TMEM176A: variants seen among roughly 807,000 people sequenced by gnomAD.
TMEM176A encodes the protein transmembrane protein 176A, also known as hepatocellular carcinoma-associated antigen 112.
Under a neutral mutation model 27.9 loss-of-function variants are expected in TMEM176A, and 20 were observed. The ratio of observed to expected loss-of-function variants is 0.72; its 90% CI spans 0.50 to 1.04. The LOEUF (loss-of-function observed/expected upper bound fraction) is 1.04. Among genes scored for constraint, TMEM176A ranks in the 50% least tolerant of loss-of-function variants. TMEM176A has a pLI of 0.00. For missense variants in TMEM176A, 252 were observed against 289.1 expected, an observed-to-expected ratio of 0.87 and a Z score of 0.93; for synonymous variants, 125 against 118.0, an observed-to-expected ratio of 1.06 and a Z score of -0.38.
chr7:150,801,735 C>A lies in TMEM176A; in HGVS notation c.174+11C>A. 1.3e-6 allele frequency: 2 copies of A among 1,498,872 alleles called. No homozygotes were observed. The highest frequency in any genetic ancestry group is 1.8e-6 in the Non-Finnish European group (2 of 1,133,818). The allele number at this position is 1,498,872 out of a possible 1,614,324, so 92.8% of individuals were successfully genotyped here. On this transcript the variant is annotated intron_variant, in intron 2 of 6. Coordinates refer to ENST00000004103, the MANE Select transcript of TMEM176A (RefSeq NM_018487.3). ...CTGGTGGCCTCGTGGGTGAGTGTGA[C>A]GGCCTGCCTCGTCGGGCGGCGGGAG...
At position 150,801,419 on chromosome 7, in the gene TMEM176A, G is replaced by GTA. The variant is rs1798781270; in HGVS notation, c.-15-117_-15-116insTA. On this transcript the variant is annotated intron_variant, in intron 1 of 6. Coordinates refer to ENST00000004103, the MANE Select transcript of TMEM176A (RefSeq NM_018487.3). ...GGCCAGGGGTGCGGCCCTGTGACCA[G>GTA]GACAGCCATTCATTGGGTGACTTTG... 5.8e-6 allele frequency: 6 copies of GTA among 1,032,464 alleles called. No homozygotes were observed. The East Asian group carries it at 1.5e-4, about 26-fold the overall frequency. The allele number at this position is 1,032,464 out of a possible 1,614,324, so 64.0% of individuals were successfully genotyped here. A position where few individuals can be genotyped will look rare whatever the true frequency, so the allele number is the denominator to read the frequency against.
At chr7:150,801,288 G>T (rs1414899013) in intron 1 of TMEM176A, 4 of 429,392 alleles carry the variant, frequency 9.3e-6, no homozygotes, top group Non-Finnish European at 1.2e-5. Context: ...GGATGAGGGG[G>T]ACAGAGCAGA....
chr7:150,804,504 G>A (rs759150327), intron 6 of TMEM176A, 32 bp downstream of exon 6: 1 of 1,576,562 alleles, frequency 6.3e-7, no homozygotes, highest in Admixed American at 1.7e-5. Context: ...CTGTGTATTT[G>A]GGGCAGTGGA....
chr7:150,801,097 T>A, intron 1 of TMEM176A: 1 of 609,698 alleles, frequency 1.6e-6, no homozygotes, highest in Non-Finnish European at 2.1e-6. Context: ...GGGATGGGGG[T>A]ATCCGGAGCG....
chr7:150,802,076 T>TTTCTCTTCTCTTCTCTTCTCTTCTC lies in TMEM176A; in HGVS notation c.175-134_175-110dup, dbSNP rs28364765. On this transcript the variant is annotated intron_variant, in intron 2 of 6. Transcript: ENST00000004103. ...TCCTTCTCCTCCTCTTTCTTCTCCT[T>TTTCTCTTCTCTTCTCTTCTCTTCTC]TTCTCTTCTCTTCTCTTCTCTTCTC... 534 of 579,114 alleles carry TTTCTCTTCTCTTCTCTTCTCTTCTC rather than the reference T, an allele frequency of 9.2e-4. 6 individuals carry two copies. The highest frequency in any genetic ancestry group is 5.4e-3 in the African/African-American group (277 of 51,752). The allele number at this position is 579,114 out of a possible 1,614,324, so 35.9% of individuals were successfully genotyped here.
rs773306350 is a variant in TMEM176A at position 150,803,499 on chromosome 7, G to A, written c.342+43G>A. 2.5e-6 allele frequency: 4 copies of A among 1,574,664 alleles called. No individual in the cohort carries two copies. In the East Asian group the frequency reaches 9.0e-5, roughly 35 times the overall value. On this transcript the variant is annotated intron_variant, in intron 4 of 6. Coordinates refer to ENST00000004103, the MANE Select transcript of TMEM176A (RefSeq NM_018487.3). ...CATGGGAGGGGACCAGGTTCAGGCT[G>A]GAGGTCACCCCAATCTCCTGCCCTG...
rs971143200 is a variant in TMEM176A at position 150,803,946 on chromosome 7, C to T, written c.555+114C>T. ...TAGGTGTTACCTATTCTGCACCAAG[C>T]TTGCGTATTGTCACCAAAGACAAAG... On this transcript the variant is annotated intron_variant, in intron 5 of 6. Coordinates refer to ENST00000004103, the MANE Select transcript of TMEM176A (RefSeq NM_018487.3). The T allele has an allele frequency of 8.4e-5, 82 of 973,988 alleles. 1 individual carries two copies. Among genetic ancestry groups the T allele is most frequent in the Non-Finnish European group, 1.2e-4 (80 of 659,260 alleles). The allele number at this position is 973,988 out of a possible 1,614,324, so 60.3% of individuals were successfully genotyped here.
Position 150,802,262 on chromosome 7 carries a change from T to C in TMEM176A, c.222T>C (p.Phe74=). ...LGILSAVLGG[F]FYIRDYTLLV... ...TCTTGAGTGCAGTCCTAGGAGGATT[T>C]TTCTACATCCGCGACTACACCCTCC... The change falls in exon 3 of 7, where the codon TTT becomes TTC. Residue 74 remains phenylalanine (F), a synonymous_variant. Transcript: ENST00000004103. The C allele has an allele frequency of 6.2e-7, 1 of 1,613,538 alleles. No homozygotes were observed. The highest frequency in any genetic ancestry group is 1.1e-5 in the South Asian group (1 of 91,040).
rs981151304 is a variant in TMEM176A, at chr7:150,802,546, C to T, written c.285+221C>T. 1.2e-5 allele frequency: 8 copies of T among 674,592 alleles called. No individual in the cohort carries two copies. In the Admixed American group the frequency reaches 1.4e-4, roughly 11 times the overall value. 41.8% of individuals were successfully genotyped at this position (674,592 alleles called of 1,614,324 possible). ...CCCATACCCTTCCCAGTGCTGTTCC[C>T]ACCAGGCTGGCTGCCTCTCCCTGCC... On this transcript the variant is annotated intron_variant, in intron 3 of 6. Coordinates refer to ENST00000004103, the MANE Select transcript of TMEM176A (RefSeq NM_018487.3).
At position 150,803,431 on chromosome 7, in the gene TMEM176A, A is replaced by G; in HGVS notation, c.317A>G (p.Tyr106Cys). The stretch of plus-strand genomic sequence containing the variant: ...CTGGCTGGAGCTGCTGCCTTCATTT[A>G]CGAGAAACGGGGTGGTACATACTGG... Reference protein sequence around the residue: ...AVLAGAAAFIYEKRGGTYWAL... With the variant: ...AVLAGAAAFICEKRGGTYWAL... The change falls in exon 4 of 7, where the codon TAC becomes TGC. Residue 106 changes from tyrosine to cysteine, a missense_variant. Tyr to Cys is a radical substitution (Grantham distance 194). Coordinates refer to ENST00000004103, the MANE Select transcript of TMEM176A (RefSeq NM_018487.3). 6.3e-7 allele frequency: 1 copy of G among 1,596,852 alleles called. No individual in the cohort carries two copies.
At position 150,804,376 on chromosome 7, in the gene TMEM176A, C is replaced by T. The variant is rs768678065; in HGVS notation, c.570C>T (p.Thr190=). The part of the protein sequence containing the change: ...FMDMLKALFR[T]LQAMLLGVWI... Reference sequence around the variant, plus strand: ...TCTGTCCCCAGGCCTTGTTCAGAACCCTTCAGGCCATGCTCTTGGGTGTCT... The same window carrying T: ...TCTGTCCCCAGGCCTTGTTCAGAACTCTTCAGGCCATGCTCTTGGGTGTCT... The change falls in exon 6 of 7, where the codon ACC becomes ACT. Residue 190 remains threonine, a synonymous_variant. Coordinates refer to ENST00000004103, the MANE Select transcript of TMEM176A (RefSeq NM_018487.3). The T allele has an allele frequency of 6.2e-7, 1 of 1,614,030 alleles. No homozygotes were observed. The highest frequency in any genetic ancestry group is 8.5e-7 in the Non-Finnish European group (1 of 1,179,998).
In TMEM176A at chr7:150,802,226, C is replaced by T. The variant is rs757325954; in HGVS notation, c.186C>T (p.Ile62=). Reference sequence around the variant, plus strand: ...CCTTTGTCTTTCAGGTGATGCAGATCGTGCTGGGGATCTTGAGTGCAGTCC... The same window carrying T: ...CCTTTGTCTTTCAGGTGATGCAGATTGTGCTGGGGATCTTGAGTGCAGTCC... ...RLLVASWVMQ[I]VLGILSAVLG... is the part of the protein sequence containing the mutation. Residue 62 remains isoleucine (I), a synonymous_variant, in exon 3 of 7, where the codon ATC becomes ATT. Transcript: ENST00000004103. 4 of 1,613,958 alleles carry T rather than the reference C, an allele frequency of 2.5e-6. No homozygotes were observed. Among genetic ancestry groups the T allele is most frequent in the Non-Finnish European group, 3.4e-6 (4 of 1,179,930 alleles).
intron 5 of TMEM176A, 75 bp downstream of exon 5, chr7:150,803,907 T>A: frequency 7.2e-7 from 1 of 1,382,518 alleles, no homozygotes; most frequent in Non-Finnish European, 1.0e-6. Context: ...AAGAGTCAGG[T>A]TCTCCACCAG....
intron 6 of TMEM176A, 97 bp from the exon 7 acceptor site, chr7:150,804,730 G>C: frequency 7.8e-7 from 1 of 1,284,858 alleles, no homozygotes; most frequent in Non-Finnish European, 1.1e-6. Context: ...GTACCATGCT[G>C]CTGATTCTGG....
rs1798786881 is a variant in TMEM176A at position 150,801,543 on chromosome 7, C to G, written c.-8C>G. Reference sequence around the variant, plus strand: ...GTGCTCCCTTCCTCATAGACTGTGTCCCTGACAATGGGAACAGCCGACAGT... The same window carrying G: ...GTGCTCCCTTCCTCATAGACTGTGTGCCTGACAATGGGAACAGCCGACAGT... On this transcript the variant is annotated 5_prime_UTR_variant, in exon 2 of 7. Transcript: ENST00000004103. 5 of 1,588,848 alleles carry G rather than the reference C, an allele frequency of 3.1e-6. No individual in the cohort carries two copies. The South Asian group carries it at 5.8e-5, about 18-fold the overall frequency.
Position 150,804,419 on chromosome 7 carries a change from G to T in TMEM176A, c.613G>T (p.Ala205Ser), listed in dbSNP as rs760277433. The T allele has an allele frequency of 1.9e-6, 3 of 1,614,156 alleles. No homozygotes were observed. The South Asian group carries it at 3.3e-5, about 18-fold the overall frequency. The change falls in exon 6 of 7, where the codon GCA becomes TCA. Residue 205 changes from alanine to serine, a missense_variant. Ala to Ser is a moderately conservative substitution (Grantham distance 99, BLOSUM62 1). Coordinates refer to ENST00000004103, the MANE Select transcript of TMEM176A (RefSeq NM_018487.3). Reference protein sequence around the residue: ...LLGVWILLLLASLTPLWLYCW... With the variant: ...LLGVWILLLLSSLTPLWLYCW... Reference sequence around the variant, plus strand: ...GGGTGTCTGGATTCTGCTGCTTCTGGCATCTCTGACCCCTCTGTGGCTGTA... The same window carrying T: ...GGGTGTCTGGATTCTGCTGCTTCTGTCATCTCTGACCCCTCTGTGGCTGTA...
intron 6 of TMEM176A, 59 bp from the exon 7 acceptor site, chr7:150,804,768 G>T: frequency 6.3e-7 from 1 of 1,581,948 alleles, no homozygotes; most frequent in Non-Finnish European, 8.7e-7. Flanking sequence ...TGCCCCTGGA[G>T]GAGAGACTCC....
rs548235339 is a variant in TMEM176A, at chr7:150,805,018, G to C, written c.*150G>C. On this transcript the variant is annotated 3_prime_UTR_variant, in exon 7 of 7. Coordinates refer to ENST00000004103, the MANE Select transcript of TMEM176A (RefSeq NM_018487.3). ...TGACCGTGGCCACAGCCCTGCTCCA[G>C]CAGCACTTGCCCATTCCTTACACCC... 1 of 763,746 alleles carries C rather than the reference G, an allele frequency of 1.3e-6. No homozygotes were observed. The highest frequency in any genetic ancestry group is 1.5e-5 in the South Asian group (1 of 64,684). 47.3% of individuals were successfully genotyped at this position (763,746 alleles called of 1,614,324 possible).
chr7:150,802,693 T>C, intron 3 of TMEM176A: 1 of 1,076,272 alleles, frequency 9.3e-7, no homozygotes, highest in East Asian at 7.2e-5. Context: ...CACCCCCTGG[T>C]TATTCTCATT....
Sources: allele counts gnomAD v4.1 joint callset, GRCh38; gene constraint gnomAD v4.1.1; transcripts MANE v1.5; gene names NCBI Gene and HGNC (gene_info 2026-07-23, HGNC 2026-07-21).